The following VAT1L variants were observed in gnomAD, a reference collection of about 807,000 sequenced individuals.
VAT1L encodes the protein vesicle amine transport 1 like.
VAT1L carries 34 observed loss-of-function variants against 44.1 expected under a neutral mutation model. The observed-to-expected ratio is 0.77, with a 90% CI of 0.59 to 1.03. The LOEUF (loss-of-function observed/expected upper bound fraction) is 1.03. VAT1L is among the 50% of genes least tolerant of loss of function. The pLI, the probability that VAT1L is intolerant of heterozygous loss-of-function variation, is 0.00. For missense variants in VAT1L, 615 were observed against 538.8 expected, an observed-to-expected ratio of 1.14 and a Z score of -1.40; for synonymous variants, 253 against 202.2, an observed-to-expected ratio of 1.25 and a Z score of -2.13.
chr16:77,900,842 C>G (rs574107840), intron 7 of VAT1L, among the ~76,000 whole-genome samples: 6 of 152,138 alleles, frequency 3.9e-5, no homozygotes, highest in South Asian at 2.1e-4. Context: ...CCACTCCCCC[C>G]GCAACCAGTT....
intron 7 of VAT1L, among the ~76,000 whole-genome samples, chr16:77,963,316 G>C (rs978876071): frequency 6.6e-6 from 1 of 152,164 alleles, no homozygotes; most frequent in African/African-American, 2.4e-5. Flanking sequence ...GAGGGTGAGA[G>C]TCAGAGAGAT....
chr16:77,789,889 C>A (rs2015801733), intron 1 of VAT1L, among the ~76,000 whole-genome samples: 1 of 152,132 alleles, frequency 6.6e-6, no homozygotes, highest in South Asian at 2.1e-4. Context: ...CTGGGAAGAG[C>A]TTACCCAGCA....
rs541004866 is a variant in VAT1L, at chr16:77,848,851, C to T, written c.580-13897C>T. On this transcript the variant is annotated intron_variant, in intron 3 of 8. Transcript: ENST00000302536. ...GTGGCACATATACACCATGGAATAC[C>T]ATGCAGCCATAAAAAAGGATGAGTT... Among the ~76,000 whole-genome samples, 176 of 152,168 alleles carry T rather than the reference C, an allele frequency of 1.2e-3. 2 individuals carry two copies. The highest frequency in any genetic ancestry group is 6.1e-3 in the Admixed American group (93 of 15,280).
chr16:77,868,013 C>T (rs1369980614), intron 4 of VAT1L, among the ~76,000 whole-genome samples: 2 of 152,136 alleles, frequency 1.3e-5, no homozygotes, highest in African/African-American at 4.8e-5. Context: ...TCCTTGTAAA[C>T]TCATCATAAG....
chr16:77,911,022 C>T (rs900756097), intron 7 of VAT1L, among the ~76,000 whole-genome samples: 1 of 152,216 alleles, frequency 6.6e-6, no homozygotes, highest in Non-Finnish European at 1.5e-5. Flanking sequence ...ACCCATGCAA[C>T]CTTGCTTGTA....
At chr16:77,915,440 G>A (rs191880935) in intron 7 of VAT1L, among the ~76,000 whole-genome samples, 1 of 152,154 alleles carries the variant, frequency 6.6e-6, no homozygotes, top group East Asian at 1.9e-4. Flanking sequence ...CATCTGGGGG[G>A]AAACAAATGG....
chr16:77,960,425 G>A (rs182511496), intron 7 of VAT1L, among the ~76,000 whole-genome samples: 2 of 152,226 alleles, frequency 1.3e-5, no homozygotes, highest in African/African-American at 4.8e-5. Context: ...AGCCACAGTA[G>A]GAAGATATTA....
At chr16:77,966,939 A>T (rs1274554637) in intron 7 of VAT1L, among the ~76,000 whole-genome samples, 4 of 29,176 alleles carry the variant, frequency 1.4e-4, no homozygotes, top group Non-Finnish European at 6.5e-4. Flanking sequence ...CTTTAAAAAA[A>T]AAAAAAAAAA....
At chr16:77,880,967 A>G (rs1036154821) in intron 6 of VAT1L, among the ~76,000 whole-genome samples, 9 of 152,152 alleles carry the variant, frequency 5.9e-5, no homozygotes, top group Non-Finnish European at 1.3e-4. Flanking sequence ...CATGGTGTAT[A>G]CGTCTCACAT....
chr16:77,937,097 G>A (rs1249974134), intron 7 of VAT1L, among the ~76,000 whole-genome samples: 1 of 152,054 alleles, frequency 6.6e-6, no homozygotes, highest in African/African-American at 2.4e-5. Flanking sequence ...TGGTCAGGAT[G>A]GTCTCGATCT....
intron 3 of VAT1L, among the ~76,000 whole-genome samples, chr16:77,857,334 GA>G (rs760362606): frequency 5.3e-5 from 8 of 152,176 alleles, no homozygotes; most frequent in Non-Finnish European, 8.8e-5. Flanking sequence ...GAGGATAAAT[GA>G]GCTGCTGATC....
intron 2 of VAT1L, among the ~76,000 whole-genome samples, chr16:77,824,330 G>A (rs2016493575): frequency 6.6e-6 from 1 of 152,160 alleles, no homozygotes. Flanking sequence ...AGAGGGTAGT[G>A]GCTGAAGATG....
chr16:77,876,939 C>T (rs1408011635), intron 5 of VAT1L, among the ~76,000 whole-genome samples: 1 of 152,154 alleles, frequency 6.6e-6, no homozygotes, highest in African/African-American at 2.4e-5. Flanking sequence ...TCCTGAGCAT[C>T]CCACGCAAGA....
At chr16:77,818,132 C>G (rs2016387185) in intron 2 of VAT1L, among the ~76,000 whole-genome samples, 2 of 152,098 alleles carry the variant, frequency 1.3e-5, no homozygotes, top group African/African-American at 4.8e-5. Context: ...CTCCCAGCCC[C>G]CAAATACTGC....
rs2017973779 is a variant in VAT1L, at chr16:77,946,831, G to A, written c.1078-25019G>A. ...ACTACTGTTCATAGCCACCCCTCTGGGATCAGTCCCATTTGAGATCCCAGT... is the reference window on the plus strand; with the variant it reads ...ACTACTGTTCATAGCCACCCCTCTGAGATCAGTCCCATTTGAGATCCCAGT... On this transcript the variant is annotated intron_variant, in intron 7 of 8. Coordinates refer to ENST00000302536, the MANE Select transcript of VAT1L (RefSeq NM_020927.3). Among the ~76,000 whole-genome samples, 3 of 152,048 alleles carry A rather than the reference G, an allele frequency of 2.0e-5. No individual in the cohort carries two copies. The South Asian group carries it at 6.2e-4, about 32-fold the overall frequency.
In VAT1L at chr16:77,884,639, A is replaced by C; in HGVS notation, c.914A>C (p.Lys305Thr). 1.2e-6 allele frequency: 2 copies of C among 1,613,582 alleles called. No individual in the cohort carries two copies. Among genetic ancestry groups the C allele is most frequent in the Non-Finnish European group, 8.5e-7 (1 of 1,179,866 alleles). ...CAGGTGGAGAAGGTGAACCCCATCA[A>C]GCTGTATGAGGAGAACAAAGTCATC... ...WWQVEKVNPI[K>T]LYEENKVIAG... The change falls in exon 7 of 9, where the codon AAG becomes ACG. Residue 305 changes from lysine to threonine, a missense_variant. Transcript: ENST00000302536. This position sits in a 1 kb window ranked among gnomAD's most constrained non-coding sequence, Gnocchi z 4.5.
intron 3 of VAT1L, among the ~76,000 whole-genome samples, chr16:77,844,301 C>A (rs1308729171): frequency 6.6e-6 from 1 of 152,142 alleles, no homozygotes; most frequent in Non-Finnish European, 1.5e-5. Flanking sequence ...AGCTTGTGTA[C>A]ATAGCATTTA....
chr16:77,887,746 G>A (rs1201597297), intron 7 of VAT1L, among the ~76,000 whole-genome samples: 2 of 152,184 alleles, frequency 1.3e-5, no homozygotes, highest in African/African-American at 4.8e-5. Context: ...AGGCAGGTCT[G>A]GGACTTTACC....
intron 7 of VAT1L, among the ~76,000 whole-genome samples, chr16:77,889,293 T>C (rs1167550308): frequency 6.6e-6 from 1 of 152,220 alleles, no homozygotes; most frequent in East Asian, 1.9e-4. Flanking sequence ...TCTTTGACTT[T>C]ATTGTAAATT....
Sources: allele counts gnomAD v4.1 joint callset (sites outside exome capture counted in the v4.1 genomes callset), GRCh38; gene constraint gnomAD v4.1.1; non-coding constraint Gnocchi (gnomAD v3.1); transcripts MANE v1.5; gene names NCBI Gene and HGNC (gene_info 2026-07-23, HGNC 2026-07-21).